Variants in PACS2 observed in about 807,000 individuals in gnomAD.
The protein encoded by PACS2 is phosphofurin acidic cluster sorting protein 2, also known as PACS1-like protein.
A neutral mutation model predicts 113.0 loss-of-function variants in PACS2; 36 were observed. That is an observed-to-expected ratio of 0.32 (90% confidence interval 0.24 to 0.42). The LOEUF is 0.42. Ranked by LOEUF, PACS2 falls within the 10% of genes least tolerant of loss-of-function variation. The probability of loss-of-function intolerance (pLI) is 1.00; values close to 1 mark genes in which losing one functional copy is unlikely to be tolerated. For synonymous variants in PACS2, 589 were observed against 536.1 expected, an observed-to-expected ratio of 1.10 and a Z score of -1.36; for missense variants, 1,015 against 1,239.5, an observed-to-expected ratio of 0.82 and a Z score of 2.72.
upstream of PACS2, among the ~76,000 whole-genome samples, chr14:105,310,257 A>G (rs934928677): frequency 2.6e-5 from 4 of 151,614 alleles, no homozygotes; most frequent in Non-Finnish European, 4.4e-5. Context: ...TGAGCCAGGC[A>G]CAGTGGCTCA....
intron 9 of PACS2, 57 bp from the exon 10 acceptor site, chr14:105,379,682 C>G (rs1555411397): frequency 7.1e-7 from 1 of 1,399,176 alleles, no homozygotes; most frequent in African/African-American, 1.4e-5. Flanking sequence ...ACTGCGCTTT[C>G]AGTGCAAGAA....
chr14:105,323,794 G>GGGCA lies in PACS2; in HGVS notation c.119+8759_119+8762dup, dbSNP rs2058986480. Among the ~76,000 whole-genome samples the GGGCA allele has an allele frequency of 6.6e-6, 1 of 152,206 alleles. No homozygotes were observed. The highest frequency in any genetic ancestry group is 1.5e-5 in the Non-Finnish European group (1 of 68,042). On this transcript the variant is annotated intron_variant, in intron 1 of 24. Coordinates refer to ENST00000447393, the MANE Select transcript of PACS2 (RefSeq NM_001100913.3). The surrounding 1 kb of genome is among the most constrained non-coding windows in gnomAD (Gnocchi z 4.1). ...AGGGAGGGGCTGAGGAAGCTGACCTGGGCAGCCAGTGGCCTGTAGGCTGGG... is the reference window on the plus strand; with the variant it reads ...AGGGAGGGGCTGAGGAAGCTGACCTGGGCAGGCAGCCAGTGGCCTGTAGGCTGGG...
chr14:105,306,585 G>A (rs1595518192), intron 1 of PACS2, among the ~76,000 whole-genome samples: 1 of 151,772 alleles, frequency 6.6e-6, no homozygotes. Context: ...TTATAGGCAT[G>A]AGCCACCACA....
intron 1 of PACS2, among the ~76,000 whole-genome samples, chr14:105,307,271 C>T (rs587737383): frequency 6.6e-6 from 1 of 152,074 alleles, no homozygotes; most frequent in Non-Finnish European, 1.5e-5. Flanking sequence ...TCATCAGGCT[C>T]CTGCATTCCT....
intron 18 of PACS2, 144 bp downstream of exon 18, chr14:105,385,131 A>G: frequency 1.6e-6 from 1 of 637,460 alleles, no homozygotes; most frequent in Non-Finnish European, 2.9e-6. Context: ...CCAGCTGGGC[A>G]GCTCTGGGCC....
chr14:105,377,037 A>G, intron 9 of PACS2, 112 bp downstream of exon 9: 4 of 1,162,760 alleles, frequency 3.4e-6, no homozygotes, highest in Non-Finnish European at 4.8e-6. Flanking sequence ...GGGCAGGGCC[A>G]GCTGCCTCGA....
In PACS2 at chr14:105,365,714, TC is replaced by T. The variant is rs1173710423; in HGVS notation, c.424-1495del. The stretch of plus-strand genomic sequence containing the variant: ...CCCCTCTGAGCTCATTTTACTGGGA[TC>T]CCCAGCAAGGGCTCAGCATTTCTGA... On this transcript the variant is annotated intron_variant, in intron 4 of 24. Transcript: ENST00000447393. The surrounding 1 kb of genome is among the most constrained non-coding windows in gnomAD (Gnocchi z 5.1). Among the ~76,000 whole-genome samples, 5 of 152,212 alleles carry T rather than the reference TC, an allele frequency of 3.3e-5. No homozygotes were observed. The highest frequency in any genetic ancestry group is 1.2e-4 in the African/African-American group (5 of 41,534).
Position 105,394,779 on chromosome 14 carries a change from A to G in PACS2, c.*107A>G. On this transcript the variant is annotated 3_prime_UTR_variant, in exon 25 of 25. Transcript: ENST00000447393. Reference sequence around the variant, plus strand: ...AGAGACAGACGCTTAAAACACAAAGAGAAACAGTCTTAAGTATGAATGTGC... The same window carrying G: ...AGAGACAGACGCTTAAAACACAAAGGGAAACAGTCTTAAGTATGAATGTGC... 1.3e-6 allele frequency: 1 copy of G among 788,354 alleles called. No individual in the cohort carries two copies. The highest frequency in any genetic ancestry group is 2.3e-6 in the Non-Finnish European group (1 of 443,160). 48.8% of individuals were successfully genotyped at this position (788,354 alleles called of 1,614,324 possible).
Position 105,362,245 on chromosome 14 carries a change from C to T in PACS2, c.424-4968C>T, listed in dbSNP as rs587601678. 7.2e-4 allele frequency among the ~76,000 whole-genome samples: 107 copies of T among 149,182 alleles called. 1 individual carries two copies. The highest frequency in any genetic ancestry group is 3.6e-3 in the Middle Eastern group (1 of 280). On this transcript the variant is annotated intron_variant, in intron 4 of 24. Transcript: ENST00000447393. ...CATCCTGGCTAACACAGTGAAACAC[C>T]GTCTCTACTGAAAATATAAAAAATT...
At chr14:105,377,962 C>T (rs60505080) in intron 9 of PACS2, among the ~76,000 whole-genome samples, 1 of 152,112 alleles carries the variant, frequency 6.6e-6, no homozygotes, top group African/African-American at 2.4e-5. Flanking sequence ...CGTGTGGCTG[C>T]GGGATGGGGG....
Position 105,394,710 on chromosome 14 carries a change from G to A in PACS2, c.*38G>A. Reference sequence around the variant, plus strand: ...GGGGGCCCACCTCCTGCCCCATGCTGTGAGGGGCCCAGCTGCATTTCTGTT... The same window carrying A: ...GGGGGCCCACCTCCTGCCCCATGCTATGAGGGGCCCAGCTGCATTTCTGTT... On this transcript the variant is annotated 3_prime_UTR_variant, in exon 25 of 25. Transcript: ENST00000447393. 1 of 1,262,262 alleles carries A rather than the reference G, an allele frequency of 7.9e-7. No homozygotes were observed. The allele number at this position is 1,262,262 out of a possible 1,614,324, so 78.2% of individuals were successfully genotyped here.
intron 1 of PACS2, among the ~76,000 whole-genome samples, chr14:105,302,324 C>T (rs1429636368): frequency 1.3e-5 from 2 of 151,676 alleles, no homozygotes; most frequent in African/African-American, 2.4e-5. Flanking sequence ...CTCTCTCAGC[C>T]TCCCGAGTAG....
chr14:105,381,930 G>C lies in PACS2; in HGVS notation c.1285G>C (p.Ala429Pro). 6.4e-7 allele frequency: 1 copy of C among 1,550,982 alleles called. No homozygotes were observed. The highest frequency in any genetic ancestry group is 8.7e-7 in the Non-Finnish European group (1 of 1,147,176). ...CCCCAATAGGTCCGAGGGGAAGCAG[G>C]CTGGCCGACGGGGCCGGAGCACATC... ...IPSTRSEGKQ[A>P]GRRGRSTSLK... The change falls in exon 13 of 25, where the codon GCT becomes CCT. Residue 429 changes from alanine (A) to proline (P), a missense_variant. Ala to Pro is a conservative substitution (Grantham distance 27). Transcript: ENST00000447393.
rs958090765 is a variant in PACS2, at chr14:105,317,905, G to A, written c.119+2868G>A. Among the ~76,000 whole-genome samples, 1 of 152,126 alleles carries A rather than the reference G, an allele frequency of 6.6e-6. No homozygotes were observed. Among genetic ancestry groups the A allele is most frequent in the Non-Finnish European group, 1.5e-5 (1 of 68,030 alleles). On this transcript the variant is annotated intron_variant, in intron 1 of 24. Transcript: ENST00000447393. The surrounding 1 kb of genome is among the most constrained non-coding windows in gnomAD (Gnocchi z 4.2). ...CTGTTGTTGGGGAGGCCTGTGCTCC[G>A]GGTTTCCTTGCGACGCTTTTGGCTC...
At chr14:105,394,499 A>G in intron 24 of PACS2, 55 bp from the exon 25 acceptor site, 1 of 1,600,916 alleles carries the variant, frequency 6.2e-7, no homozygotes, top group Non-Finnish European at 8.5e-7. Context: ...AGGCAGGTGG[A>G]TAGGGTGGGC....
Position 105,348,358 on chromosome 14 carries a change from G to A in PACS2, c.120-135G>A, listed in dbSNP as rs1213615088. 1.6e-6 allele frequency: 1 copy of A among 626,366 alleles called. No individual in the cohort carries two copies. Among genetic ancestry groups the A allele is most frequent in the Admixed American group, 2.7e-5 (1 of 36,382 alleles). The allele number at this position is 626,366 out of a possible 1,614,324, so 38.8% of individuals were successfully genotyped here. ...GTCTTGGAGCCCTGTGAGGTCCTGGGGCCGCCCAGGCAGTCACACCCCGCC... is the reference window on the plus strand; with the variant it reads ...GTCTTGGAGCCCTGTGAGGTCCTGGAGCCGCCCAGGCAGTCACACCCCGCC... On this transcript the variant is annotated intron_variant, in intron 1 of 24. Transcript: ENST00000447393. This position sits in a 1 kb window ranked among gnomAD's most constrained non-coding sequence, Gnocchi z 6.4.
At chr14:105,333,454 C>T (rs1211979084) in intron 1 of PACS2, among the ~76,000 whole-genome samples, 1 of 152,198 alleles carries the variant, frequency 6.6e-6, no homozygotes, top group East Asian at 1.9e-4. Context: ...AGTCCCTGGC[C>T]GTCCTGTCCT....
chr14:105,321,073 A>C (rs1034395369), intron 1 of PACS2, among the ~76,000 whole-genome samples: 4 of 152,194 alleles, frequency 2.6e-5, no homozygotes, highest in African/African-American at 9.7e-5. Context: ...GAATCACTTG[A>C]ACTTGGGAGG....
chr14:105,352,278 C>A, intron 2 of PACS2, 100 bp from the exon 3 acceptor site: 1 of 776,502 alleles, frequency 1.3e-6, no homozygotes, highest in Non-Finnish European at 2.3e-6. Flanking sequence ...TGCAGGGCTG[C>A]AATCCTGCCA....
Sources: allele counts gnomAD v4.1 joint callset (sites outside exome capture counted in the v4.1 genomes callset), GRCh38; gene constraint gnomAD v4.1.1; non-coding constraint Gnocchi (gnomAD v3.1); transcripts MANE v1.5; gene names NCBI Gene and HGNC (gene_info 2026-07-23, HGNC 2026-07-21).